MRE11: variants seen among roughly 807,000 people sequenced by gnomAD.
MRE11 encodes the protein double-strand break repair protein MRE11.
Under a neutral mutation model 91.7 loss-of-function variants are expected in MRE11, and 62 were observed. The ratio of observed to expected loss-of-function variants is 0.68; its 90% confidence interval spans 0.55 to 0.84. The LOEUF is 0.84. Among genes scored for constraint, MRE11 ranks in the 40% least tolerant of loss-of-function variants. The pLI, the probability that MRE11 is intolerant of heterozygous loss-of-function variation, is 0.00. For missense variants in MRE11, 796 were observed against 852.9 expected (o/e 0.93, Z 0.83); for synonymous variants, 273 against 271.4 (o/e 1.01, Z -0.06).
intron 7 of MRE11, among the ~76,000 whole-genome samples, chr11:94,472,289 C>T (rs1946737981): frequency 2.0e-5 from 3 of 151,764 alleles, no homozygotes; most frequent in Admixed American, 6.6e-5. Context: ...GGTATTATAC[C>T]TATATCAGTT....
chr11:94,461,057 CA>C lies in MRE11; in HGVS notation c.1226-22del, dbSNP rs540198931. The C allele has an allele frequency of 8.3e-4, 1,304 of 1,572,428 alleles. 2 individuals are homozygous for C. Among genetic ancestry groups the C allele is most frequent in the Middle Eastern group, 4.5e-3 (25 of 5,604 alleles). On this transcript the variant is annotated intron_variant, in intron 11 of 19. Transcript: ENST00000323929. ...TTCTCCTAGAAAAAAAGAAGTATATCAAAAAATAGCTTCTATCATAATGTTA... is the reference window on the plus strand; with the variant it reads ...TTCTCCTAGAAAAAAAGAAGTATATCAAAAATAGCTTCTATCATAATGTTA...
Position 94,451,141 on chromosome 11 carries a change from T to G in MRE11, c.1564-3703A>C, listed in dbSNP as rs574120755. On this transcript the variant is annotated intron_variant, in intron 14 of 19. Coordinates refer to ENST00000323929, the MANE Select transcript of MRE11 (RefSeq NM_005591.4). ...CTATATAAAAAAAAAAATTAAAAAT[T>G]AGCTGGGAGTGGTAGCACACTACAG... Among the ~76,000 whole-genome samples the G allele has an allele frequency of 3.0e-4, 46 of 151,494 alleles. No homozygotes were observed. The South Asian group carries it at 9.6e-3, about 32-fold the overall frequency.
upstream of MRE11, chr11:94,498,169 A>C (rs1172027270): frequency 1.9e-6 from 3 of 1,614,048 alleles, no homozygotes; most frequent in Admixed American, 5.0e-5. Flanking sequence ...CCTACAGTGG[A>C]CACTTAGATA....
At chr11:94,424,468 A>G (rs1945255684) in intron 19 of MRE11, among the ~76,000 whole-genome samples, 1 of 152,176 alleles carries the variant, frequency 6.6e-6, no homozygotes. Flanking sequence ...CTTACCTCCA[A>G]ATGAGCCTGC....
intron 19 of MRE11, among the ~76,000 whole-genome samples, chr11:94,420,536 T>C (rs910862127): frequency 2.6e-5 from 4 of 152,218 alleles, no homozygotes; most frequent in African/African-American, 9.6e-5. Context: ...TACAGTTGTA[T>C]CTACTCTTCT....
the MRE11 span, among the ~76,000 whole-genome samples, chr11:94,508,882 C>G: frequency 3.9e-5 from 6 of 152,112 alleles, 1 homozygote; most frequent in South Asian, 1.2e-3. Context: ...CTGCCTCAGC[C>G]TCCCCAGTAG....
intron 6 of MRE11, 112 bp downstream of exon 6, chr11:94,478,623 A>G (rs1226209702): frequency 8.0e-7 from 1 of 1,255,634 alleles, no homozygotes; most frequent in African/African-American, 1.5e-5. Context: ...AGTCACCAAT[A>G]AAGAATAAGG....
upstream of MRE11, chr11:94,498,813 A>G (rs532198003): frequency 5.3e-6 from 2 of 375,232 alleles, no homozygotes; most frequent in African/African-American, 2.1e-5. Context: ...AGAAACTGGT[A>G]TTTTTGGTGC....
chr11:94,424,114 C>T (rs1945245813), intron 19 of MRE11, among the ~76,000 whole-genome samples: 1 of 152,168 alleles, frequency 6.6e-6, no homozygotes, highest in African/African-American at 2.4e-5. Context: ...CATCTCTCTC[C>T]CCAACCCCAC....
At chr11:94,427,349 C>T (rs1257444539) in intron 19 of MRE11, among the ~76,000 whole-genome samples, 1 of 152,134 alleles carries the variant, frequency 6.6e-6, no homozygotes, top group African/African-American at 2.4e-5. Context: ...AACATCCCTT[C>T]ATGATAAAAA....
intron 14 of MRE11, among the ~76,000 whole-genome samples, chr11:94,451,118 A>G (rs1248614027): frequency 6.6e-6 from 1 of 151,764 alleles, no homozygotes; most frequent in Admixed American, 6.6e-5. Context: ...GACTCCGTCT[A>G]TATAAAAAAA....
intron 11 of MRE11, among the ~76,000 whole-genome samples, chr11:94,462,980 A>G (rs541286475): frequency 5.0e-4 from 76 of 152,376 alleles, no homozygotes; most frequent in African/African-American, 1.8e-3. Flanking sequence ...AACTACCATC[A>G]GAGTGGACAG....
chr11:94,452,420 T>C (rs1336185876), intron 14 of MRE11, among the ~76,000 whole-genome samples: 1 of 152,156 alleles, frequency 6.6e-6, no homozygotes. Context: ...TACATCACGA[T>C]GGTAAAGATG....
At position 94,470,476 on chromosome 11, in the gene MRE11, C is replaced by G. The variant is rs754844454; in HGVS notation, c.1012G>C (p.Glu338Gln). 2 of 1,612,632 alleles carry G rather than the reference C, an allele frequency of 1.2e-6. No individual in the cohort carries two copies. Among genetic ancestry groups the G allele is most frequent in the Admixed American group, 3.3e-5 (2 of 59,938 alleles). The part of the protein sequence containing the change: ...VTQAIQSFCL[E>Q]KIEEMLENAE... ...ACTTTATCAAAAAGAATTACCTTCT[C>G]CAAACAGAAGCTTTGTATGGCTTGG... Residue 338 changes from glutamate (E) to glutamine (Q), a missense_variant, in exon 9 of 20, where the codon GAG becomes CAG. Physicochemically the swap from Glu to Gln is conservative, Grantham distance 29. Coordinates refer to ENST00000323929, the MANE Select transcript of MRE11 (RefSeq NM_005591.4).
chr11:94,459,958 T>C (rs1016968198), intron 12 of MRE11, among the ~76,000 whole-genome samples: 4 of 152,000 alleles, frequency 2.6e-5, no homozygotes, highest in Admixed American at 2.0e-4. Flanking sequence ...GTCTGTAAAA[T>C]AGGGAGAGTA....
the MRE11 span, among the ~76,000 whole-genome samples, chr11:94,500,394 T>C: frequency 1.3e-5 from 2 of 152,240 alleles, no homozygotes; most frequent in Non-Finnish European, 2.9e-5. Flanking sequence ...AGAATTTGTA[T>C]TGTCTGCTTC....
At chr11:94,445,706 A>AT (rs1945907427) in intron 16 of MRE11, 104 bp downstream of exon 16, 1 of 877,334 alleles carries the variant, frequency 1.1e-6, no homozygotes, top group Non-Finnish European at 1.9e-6. Context: ...AATTGCCCTT[A>AT]TAACTTCCCA....
At chr11:94,460,034 A>C (rs1946374435) in intron 12 of MRE11, among the ~76,000 whole-genome samples, 2 of 152,160 alleles carry the variant, frequency 1.3e-5, no homozygotes, top group African/African-American at 4.8e-5. Context: ...AGGGAGGCAG[A>C]TGGGAGCTGG....
In MRE11 at chr11:94,474,035, G is replaced by T. The variant is rs1946786815; in HGVS notation, c.659+2254C>A. 2.6e-5 allele frequency among the ~76,000 whole-genome samples: 4 copies of T among 152,040 alleles called. No individual in the cohort carries two copies. The South Asian group carries it at 8.3e-4, about 31-fold the overall frequency. On this transcript the variant is annotated intron_variant, in intron 7 of 19. Coordinates refer to ENST00000323929, the MANE Select transcript of MRE11 (RefSeq NM_005591.4). ...TATATAGACATGTATGTATGCATGGGTTACTATATACACATATATCTATTC... is the reference window on the plus strand; with the variant it reads ...TATATAGACATGTATGTATGCATGGTTTACTATATACACATATATCTATTC...
Sources: gnomAD v4.1 joint callset for allele counts (sites outside exome capture counted in the v4.1 genomes callset) on GRCh38, gnomAD v4.1.1 for gene constraint, MANE v1.5 for transcripts, NCBI Gene and HGNC (gene_info 2026-07-23, HGNC 2026-07-21) for gene names.